Variants in SOCS1 observed in about 807,000 individuals in gnomAD.
The protein encoded by SOCS1 is JAK binding protein.
SOCS1 carries 3 observed loss-of-function variants against 9.7 expected under a neutral mutation model. That is an observed-to-expected ratio of 0.31 (90% CI 0.14 to 0.80). The LOEUF (loss-of-function observed/expected upper bound fraction) is 0.80. Ranked by LOEUF, SOCS1 falls within the 30% of genes least tolerant of loss-of-function variation. The pLI, the probability that SOCS1 is intolerant of heterozygous loss-of-function variation, is 0.61. For synonymous variants in SOCS1, 194 were observed against 150.2 expected (o/e 1.29, Z -2.13); for missense variants, 368 against 324.7 (o/e 1.13, Z -1.02).
intron 1 of SOCS1, chr16:11,255,754 T>A: frequency 3.4e-6 from 1 of 293,274 alleles, no homozygotes. Flanking sequence ...GGAGGCGGAG[T>A]CCGGCCTCCG....
Position 11,255,282 on chromosome 16 carries a change from C to A in SOCS1, c.197G>T (p.Arg66Leu), listed in dbSNP as rs1384697580. ...CAGGAGCGCGCTGGCGCGCGTGATG[C>A]GCCGGTAATCGGCGTGCGAACGGAA... ...RTFRSHADYR[R>L]ITRASALLDA... Residue 66 changes from arginine to leucine, a missense_variant, in exon 2 of 2, where the codon CGC becomes CTC. Physicochemically the swap from Arg to Leu is moderately radical, Grantham distance 102. Coordinates refer to ENST00000332029, the MANE Select transcript of SOCS1 (RefSeq NM_003745.2). 1.3e-6 allele frequency: 2 copies of A among 1,532,896 alleles called. No homozygotes were observed. The highest frequency in any genetic ancestry group is 1.2e-5 in the South Asian group (1 of 83,252). The allele number at this position is 1,532,896 out of a possible 1,614,324, so 95.0% of individuals were successfully genotyped here.
chr16:11,255,271 C>T lies in SOCS1; in HGVS notation c.208G>A (p.Ala70Thr), dbSNP rs1394282648. The T allele has an allele frequency of 1.9e-6, 3 of 1,540,750 alleles. 1 individual carries two copies. The highest frequency in any genetic ancestry group is 2.4e-5 in the South Asian group (2 of 84,008). The change falls in exon 2 of 2, where the codon GCC becomes ACC. Residue 70 changes from alanine to threonine, a missense_variant. Ala to Thr is a moderately conservative substitution (Grantham distance 58). Transcript: ENST00000332029. ...SHADYRRITR[A>T]SALLDACGFY... ...CCGCAGGCGTCCAGGAGCGCGCTGG[C>T]GCGCGTGATGCGCCGGTAATCGGCG...
chr16:11,255,397 A>T lies in SOCS1; in HGVS notation c.82T>A (p.Ser28Thr). The T allele has an allele frequency of 7.5e-7, 1 of 1,337,462 alleles. No homozygotes were observed. The highest frequency in any genetic ancestry group is 9.5e-7 in the Non-Finnish European group (1 of 1,050,580). The allele number at this position is 1,337,462 out of a possible 1,614,324, so 82.8% of individuals were successfully genotyped here. A position where few individuals can be genotyped will look rare whatever the true frequency, so the allele number is the denominator to read the frequency against. ...GGGGCCGCGGGCGAGGAGGAGGAAGAGGAGGAAGGTTCTGGCCGCCGTCGG... is the reference window on the plus strand; with the variant it reads ...GGGGCCGCGGGCGAGGAGGAGGAAGTGGAGGAAGGTTCTGGCCGCCGTCGG... ...EPRRRPEPSS[S>T]SSSSPAAPAR... Residue 28 changes from serine to threonine, a missense_variant, in exon 2 of 2, where the codon TCT (serine) becomes ACT (threonine). Physicochemically the swap from Ser to Thr is moderately conservative, Grantham distance 58. Transcript: ENST00000332029.
chr16:11,255,578 T>TG, intron 1 of SOCS1, 50 bp from the exon 2 acceptor site: 2 of 739,264 alleles, frequency 2.7e-6, no homozygotes, highest in Non-Finnish European at 3.7e-6. Flanking sequence ...GCCGGGCAGG[T>TG]GTGCGCCGGC....
Position 11,254,687 on chromosome 16 carries a change from G to A in SOCS1, c.*156C>T, listed in dbSNP as rs2069571893. The A allele has an allele frequency of 2.8e-6, 3 of 1,087,924 alleles. No individual in the cohort carries two copies. Among genetic ancestry groups the A allele is most frequent in the Non-Finnish European group, 3.6e-6 (3 of 830,564 alleles). 67.4% of individuals were successfully genotyped at this position (1,087,924 alleles called of 1,614,324 possible). ...CTCAAGAGGTGAGAAGGGGTCTGCG[G>A]CCTCGTCTCCAGCCGAGGGCGGGAG... On this transcript the variant is annotated 3_prime_UTR_variant, in exon 2 of 2. Coordinates refer to ENST00000332029, the MANE Select transcript of SOCS1 (RefSeq NM_003745.2).
At chr16:11,255,709 T>G in intron 1 of SOCS1, 181 bp from the exon 2 acceptor site, 1 of 330,020 alleles carries the variant, frequency 3.0e-6, no homozygotes, top group African/African-American at 2.1e-5. Context: ...GGCTCTGTAC[T>G]CCGCGGAGCT....
At position 11,255,407 on chromosome 16, in the gene SOCS1, T is replaced by C; in HGVS notation, c.72A>G (p.Glu24=). The C allele has an allele frequency of 7.5e-7, 1 of 1,330,258 alleles. No homozygotes were observed. 82.4% of individuals were successfully genotyped at this position (1,330,258 alleles called of 1,614,324 possible). ...GCGAGGAGGAGGAAGAGGAGGAAGGTTCTGGCCGCCGTCGGGGCTCTGCTG... is the reference window on the plus strand; with the variant it reads ...GCGAGGAGGAGGAAGAGGAGGAAGGCTCTGGCCGCCGTCGGGGCTCTGCTG... ...STAAEPRRRP[E]PSSSSSSSPA... Residue 24 remains glutamate (E), a synonymous_variant, in exon 2 of 2, where the codon GAA becomes GAG. Transcript: ENST00000332029.
chr16:11,255,382 G>C lies in SOCS1; in HGVS notation c.97C>G (p.Pro33Ala). Residue 33 changes from proline to alanine, a missense_variant, in exon 2 of 2, where the codon CCC (proline) becomes GCC (alanine). Pro to Ala is a conservative substitution (Grantham distance 27). Coordinates refer to ENST00000332029, the MANE Select transcript of SOCS1 (RefSeq NM_003745.2). ...PEPSSSSSSSPAAPARPRPCP... is the reference protein window; with the variant it reads ...PEPSSSSSSSAAAPARPRPCP... ...GGCCGCGGGCGCGCGGGGGCCGCGG[G>C]CGAGGAGGAGGAAGAGGAGGAAGGT... 7.5e-7 allele frequency: 1 copy of C among 1,338,916 alleles called. No homozygotes were observed. The highest frequency in any genetic ancestry group is 9.5e-7 in the Non-Finnish European group (1 of 1,051,668). The allele number at this position is 1,338,916 out of a possible 1,614,324, so 82.9% of individuals were successfully genotyped here.
rs587778692 is a variant in SOCS1 at position 11,255,463 on chromosome 16, G to C, written c.16C>G (p.Gln6Glu). MVAHN[Q>E]VAADNAVSTA... ...GAGACTGCATTGTCGGCTGCCACCTGGTTGTGTGCTACCATCCTACAGAAG... is the reference window on the plus strand; with the variant it reads ...GAGACTGCATTGTCGGCTGCCACCTCGTTGTGTGCTACCATCCTACAGAAG... Residue 6 changes from glutamine (Q) to glutamate (E), a missense_variant, in exon 2 of 2, where the codon CAG becomes GAG. Coordinates refer to ENST00000332029, the MANE Select transcript of SOCS1 (RefSeq NM_003745.2). The C allele has an allele frequency of 9.3e-6, 12 of 1,291,870 alleles. No individual in the cohort carries two copies. Among genetic ancestry groups the C allele is most frequent in the Non-Finnish European group, 2.9e-6 (3 of 1,022,996 alleles). 80.0% of individuals were successfully genotyped at this position (1,291,870 alleles called of 1,614,324 possible).
chr16:11,255,503 G>A lies in SOCS1; in HGVS notation c.-25C>T, dbSNP rs554248707. On this transcript the variant is annotated 5_prime_UTR_variant, in exon 2 of 2. Transcript: ENST00000332029. Reference sequence around the variant, plus strand: ...TCCTACAGAAGGGGCCAGCCGGAGGGGTGGGCCATAGCGTCCGGGGGTGCG... The same window carrying A: ...TCCTACAGAAGGGGCCAGCCGGAGGAGTGGGCCATAGCGTCCGGGGGTGCG... The A allele has an allele frequency of 1.3e-4, 163 of 1,252,138 alleles. No individual in the cohort carries two copies. In the East Asian group the frequency reaches 4.5e-3, roughly 35 times the overall value. 77.6% of individuals were successfully genotyped at this position (1,252,138 alleles called of 1,614,324 possible). A position where few individuals can be genotyped will look rare whatever the true frequency, so the allele number is the denominator to read the frequency against.
Position 11,255,082 on chromosome 16 carries a change from C to T in SOCS1, c.397G>A (p.Gly133Ser), listed in dbSNP as rs2141124719. The change falls in exon 2 of 2, where the codon GGC becomes AGC. Residue 133 changes from glycine to serine, a missense_variant. Transcript: ENST00000332029. Reference protein sequence around the residue: ...PTSIRVHFQAGRFHLDGSRES... With the variant: ...PTSIRVHFQASRFHLDGSRES... The stretch of plus-strand genomic sequence containing the variant: ...CGGCTGCCATCCAGGTGAAAGCGGC[C>T]GGCCTGAAAGTGCACGCGGATGCTC... 1.9e-6 allele frequency: 3 copies of T among 1,609,996 alleles called. No individual in the cohort carries two copies. Among genetic ancestry groups the T allele is most frequent in the South Asian group, 1.1e-5 (1 of 90,908 alleles).
In SOCS1 at chr16:11,255,199, G is replaced by T; in HGVS notation, c.280C>A (p.Arg94Ser). ...AGGAAGGTGCCCACGGGCTCGGCGCGCAGCCGCTCGTGCGCCCCGTGCACG... is the reference window on the plus strand; with the variant it reads ...AGGAAGGTGCCCACGGGCTCGGCGCTCAGCCGCTCGTGCGCCCCGTGCACG... Reference protein sequence around the residue: ...LSVHGAHERLRAEPVGTFLVR... With the variant: ...LSVHGAHERLSAEPVGTFLVR... The change falls in exon 2 of 2, where the codon CGC (arginine) becomes AGC (serine). Residue 94 changes from arginine to serine, a missense_variant. By Grantham distance (110) the Arg-to-Ser change is moderately radical (BLOSUM62 -1). Transcript: ENST00000332029. The T allele has an allele frequency of 6.3e-7, 1 of 1,581,578 alleles. No individual in the cohort carries two copies. Among genetic ancestry groups the T allele is most frequent in the Non-Finnish European group, 8.5e-7 (1 of 1,170,204 alleles).
In SOCS1 at chr16:11,254,971, G is replaced by C; in HGVS notation, c.508C>G (p.Arg170Gly). ...CACAGCTCCTGCAGCGGCCGCACGC[G>C]GCGCTGGCGCAGCGGGGCCCCCAGC... Reference protein sequence around the residue: ...RMLGAPLRQRRVRPLQELCRQ... With the variant: ...RMLGAPLRQRGVRPLQELCRQ... The change falls in exon 2 of 2, where the codon CGC becomes GGC. Residue 170 changes from arginine to glycine, a missense_variant. By Grantham distance (125) the Arg-to-Gly change is moderately radical. Transcript: ENST00000332029. 1 of 1,521,490 alleles carries C rather than the reference G, an allele frequency of 6.6e-7. No individual in the cohort carries two copies. Among genetic ancestry groups the C allele is most frequent in the South Asian group, 1.2e-5 (1 of 80,014 alleles). The allele number at this position is 1,521,490 out of a possible 1,614,324, so 94.2% of individuals were successfully genotyped here. A position where few individuals can be genotyped will look rare whatever the true frequency, so the allele number is the denominator to read the frequency against.
In SOCS1 at chr16:11,255,225, C is replaced by T. The variant is rs928613966; in HGVS notation, c.254G>A (p.Ser85Asn). The change falls in exon 2 of 2, where the codon AGC (serine) becomes AAC (asparagine). Residue 85 changes from serine (S) to asparagine (N), a missense_variant. Coordinates refer to ENST00000332029, the MANE Select transcript of SOCS1 (RefSeq NM_003745.2). ...DACGFYWGPL[S>N]VHGAHERLRA... is the part of the protein sequence containing the mutation. ...CAGCCGCTCGTGCGCCCCGTGCACG[C>T]TCAGGGGCCCCCAGTAGAATCCGCA... 1 of 1,572,764 alleles carries T rather than the reference C, an allele frequency of 6.4e-7. No homozygotes were observed. The highest frequency in any genetic ancestry group is 1.1e-5 in the South Asian group (1 of 87,420).
chr16:11,255,559 C>CGCTGCGGGGCCGGGCAGGTGT, intron 1 of SOCS1, 31 bp from the exon 2 acceptor site: 1 of 897,640 alleles, frequency 1.1e-6, no homozygotes, highest in Non-Finnish European at 1.5e-6. Context: ...TGAGCTGGGG[C>CGCTGCGGGGCCGGGCAGGTGT]GCTGCGGGGC....
chr16:11,254,571 A>AG lies in SOCS1; in HGVS notation c.*271dup. 2.7e-6 allele frequency: 1 copy of AG among 369,712 alleles called. No homozygotes were observed. The highest frequency in any genetic ancestry group is 4.2e-5 in the East Asian group (1 of 23,824). The allele number at this position is 369,712 out of a possible 1,614,324, so 22.9% of individuals were successfully genotyped here. On this transcript the variant is annotated 3_prime_UTR_variant, in exon 2 of 2. Transcript: ENST00000332029. ...GTATATGTAAACATGAAGAGGTAGG[A>AG]GGTGCGAGTTCAGGTCCTGGCTCCA...
Position 11,255,167 on chromosome 16 carries a change from G to A in SOCS1, c.312C>T (p.Arg104=), listed in dbSNP as rs747682776. 13 of 1,597,714 alleles carry A rather than the reference G, an allele frequency of 8.1e-6. No homozygotes were observed. In the Admixed American group the frequency reaches 1.3e-4, roughly 17 times the overall value. ...AAAAGCAGTTCCGCTGGCGGCTGTC[G>A]CGCACCAGGAAGGTGCCCACGGGCT... ...RAEPVGTFLV[R]DSRQRNCFFA... Residue 104 remains arginine, a synonymous_variant, in exon 2 of 2, where the codon CGC becomes CGT. Coordinates refer to ENST00000332029, the MANE Select transcript of SOCS1 (RefSeq NM_003745.2).
chr16:11,255,644 G>A, intron 1 of SOCS1, 116 bp from the exon 2 acceptor site: 1 of 396,772 alleles, frequency 2.5e-6, no homozygotes, highest in Non-Finnish European at 4.4e-6. Flanking sequence ...GGGCGAGCAC[G>A]GAGCACCAAG....
rs1419164658 is a variant in SOCS1, at chr16:11,255,040, G to C, written c.439C>G (p.Leu147Val). 1.9e-6 allele frequency: 3 copies of C among 1,606,650 alleles called. No homozygotes were observed. Among genetic ancestry groups the C allele is most frequent in the Non-Finnish European group, 1.7e-6 (2 of 1,177,518 alleles). The change falls in exon 2 of 2, where the codon CTC becomes GTC. Residue 147 changes from leucine to valine, a missense_variant. Coordinates refer to ENST00000332029, the MANE Select transcript of SOCS1 (RefSeq NM_003745.2). ...LDGSRESFDC[L>V]FELLEHYVAA... ...ACGTAGTGCTCCAGCAGCTCGAAGAGGCAGTCGAAGCTCTCGCGGCTGCCA... is the reference window on the plus strand; with the variant it reads ...ACGTAGTGCTCCAGCAGCTCGAAGACGCAGTCGAAGCTCTCGCGGCTGCCA...
Sources: gnomAD v4.1 joint callset for allele counts on GRCh38, gnomAD v4.1.1 for gene constraint, MANE v1.5 for transcripts, NCBI Gene and HGNC (gene_info 2026-07-23, HGNC 2026-07-21) for gene names.